Variants in CPNE9 observed in about 807,000 individuals in gnomAD.
CPNE9 encodes copine-9.
CPNE9 carries 59 observed loss-of-function variants against 83.0 expected under a neutral mutation model. The observed-to-expected ratio is 0.71, with a 90% CI of 0.58 to 0.88. The LOEUF is 0.88. CPNE9 is among the 40% of genes least tolerant of loss of function. The probability of loss-of-function intolerance (pLI) is 0.00; values close to 1 mark genes in which losing one functional copy is unlikely to be tolerated. For synonymous variants in CPNE9, 256 were observed against 273.4 expected (o/e 0.94, Z 0.63); for missense variants, 619 against 720.8 (o/e 0.86, Z 1.62).
chr3:9,718,533 T>C lies in CPNE9; in HGVS notation c.1172T>C (p.Phe391Ser). Residue 391 changes from phenylalanine (F) to serine (S), a missense_variant, in exon 17 of 21, where the codon TTC becomes TCC. Around this residue, in one of 3 missense-constraint regions of CPNE9, gnomAD observed 438 missense variants for 562.9 expected, o/e 0.78. Transcript: ENST00000383832. Reference protein sequence around the residue: ...AGIEGVLESYFQSLRTVQLYG... With the variant: ...AGIEGVLESYSQSLRTVQLYG... ...ATCGAGGGTGTGCTGGAGAGCTATT[T>C]CCAGAGCCTGCGCACAGTGCAGCTC... 1.2e-6 allele frequency: 2 copies of C among 1,613,696 alleles called. No homozygotes were observed. The highest frequency in any genetic ancestry group is 1.7e-6 in the Non-Finnish European group (2 of 1,179,966).
Position 9,712,543 on chromosome 3 carries a change from G to C in CPNE9, c.380G>C (p.Gly127Ala), listed in dbSNP as rs769102561. The C allele has an allele frequency of 2.4e-5, 38 of 1,613,994 alleles. No homozygotes were observed. Among genetic ancestry groups the C allele is most frequent in the South Asian group, 5.5e-5 (5 of 91,070 alleles). Residue 127 changes from glycine (G) to alanine (A), a missense_variant and splice_region_variant, in exon 8 of 21, where the codon GGT becomes GCT. By Grantham distance (60) the Gly-to-Ala change is moderately conservative (BLOSUM62 0). Around this residue, in one of 3 missense-constraint regions of CPNE9, gnomAD observed 438 missense variants for 562.9 expected, o/e 0.78. Transcript: ENST00000383832. Reference sequence around the variant, plus strand: ...TAAGAGGCTTTTTCTGCTTCCAGGGGTGTACCAGGCAAGAAGTGTGGGACC... The same window carrying C: ...TAAGAGGCTTTTTCTGCTTCCAGGGCTGTACCAGGCAAGAAGTGTGGGACC... ...QGSRVERTLT[G>A]VPGKKCGTIL...
At chr3:9,723,821 G>A (rs2076753429) in intron 17 of CPNE9, among the ~76,000 whole-genome samples, 1 of 152,180 alleles carries the variant, frequency 6.6e-6, no homozygotes, top group Admixed American at 6.5e-5. Context: ...TTGGATTACA[G>A]GCGTGAGCCA....
chr3:9,705,356 G>T, intron 4 of CPNE9, 108 bp from the exon 5 acceptor site: 1 of 826,168 alleles, frequency 1.2e-6, no homozygotes, highest in South Asian at 1.6e-5. Flanking sequence ...TCGGGTCCAC[G>T]GCCGCCCATC....
intron 19 of CPNE9, 131 bp from the exon 20 acceptor site, chr3:9,726,982 T>G: frequency 2.1e-6 from 2 of 971,850 alleles, no homozygotes; most frequent in Non-Finnish European, 3.2e-6. Context: ...TAACGAAGAC[T>G]GATATTTGTA....
intron 11 of CPNE9, 68 bp downstream of exon 11, chr3:9,715,023 A>G: frequency 7.0e-7 from 1 of 1,434,318 alleles, no homozygotes; most frequent in Non-Finnish European, 9.7e-7. Context: ...TATGTTGTAC[A>G]TTCACTGAGA....
chr3:9,707,309 T>C (rs1031849453), intron 7 of CPNE9, among the ~76,000 whole-genome samples: 28 of 130,676 alleles, frequency 2.1e-4, no homozygotes, highest in Non-Finnish European at 3.3e-4. Context: ...GCTGAGATTG[T>C]GCCACTGCAC....
rs1321313025 is a variant in CPNE9 at position 9,729,379 on chromosome 3, A to G, written c.1477-128A>G. The G allele has an allele frequency of 3.8e-6, 5 of 1,331,952 alleles. No individual in the cohort carries two copies. In the African/African-American group the frequency reaches 7.4e-5, roughly 20 times the overall value. 82.5% of individuals were successfully genotyped at this position (1,331,952 alleles called of 1,614,324 possible). On this transcript the variant is annotated intron_variant, in intron 20 of 20. Transcript: ENST00000383832. ...AAGCAAATGTAGAAAACTGTTCAAG[A>G]TGTGGAGAGGGAGATACTGTGATAG...
In CPNE9 at chr3:9,715,376, A is replaced by G. The variant is rs774643598; in HGVS notation, c.768+12A>G. 4 of 1,614,180 alleles carry G rather than the reference A, an allele frequency of 2.5e-6. No individual in the cohort carries two copies. The East Asian group carries it at 8.9e-5, about 36-fold the overall frequency. On this transcript the variant is annotated intron_variant, in intron 12 of 20. Coordinates refer to ENST00000383832, the MANE Select transcript of CPNE9 (RefSeq NM_153635.3). ...TCACAGTATATGAGGTGAGCATTCCAGCCCTGCCCAGGTCACCCAGGCCCT... is the reference window on the plus strand; with the variant it reads ...TCACAGTATATGAGGTGAGCATTCCGGCCCTGCCCAGGTCACCCAGGCCCT...
chr3:9,707,340 G>A (rs1325462573), intron 7 of CPNE9, among the ~76,000 whole-genome samples: 47 of 119,886 alleles, frequency 3.9e-4, no homozygotes, highest in East Asian at 4.7e-4. Context: ...GCAACAGAGC[G>A]AGATTCTGTC....
chr3:9,714,182 C>T (rs1483481911), intron 10 of CPNE9, among the ~76,000 whole-genome samples: 1 of 152,072 alleles, frequency 6.6e-6, no homozygotes. Flanking sequence ...GAATGGATAA[C>T]CAGATGGATA....
intron 7 of CPNE9, among the ~76,000 whole-genome samples, chr3:9,709,221 A>G (rs2076597585): frequency 6.9e-6 from 1 of 145,860 alleles, no homozygotes; most frequent in Admixed American, 6.8e-5. Flanking sequence ...GGTTGCAGTG[A>G]GCCGAGATCA....
chr3:9,729,855 C>A lies in CPNE9; in HGVS notation c.*163C>A. ...GCCTCCTTGCCTGCAGAGGGCCTGGCACTATCACCACCTCTCTGCCTTCAT... is the reference window on the plus strand; with the variant it reads ...GCCTCCTTGCCTGCAGAGGGCCTGGAACTATCACCACCTCTCTGCCTTCAT... On this transcript the variant is annotated 3_prime_UTR_variant, in exon 21 of 21. Coordinates refer to ENST00000383832, the MANE Select transcript of CPNE9 (RefSeq NM_153635.3). The A allele has an allele frequency of 2.2e-6, 2 of 893,708 alleles. No homozygotes were observed. Among genetic ancestry groups the A allele is most frequent in the Non-Finnish European group, 3.2e-6 (2 of 615,502 alleles). 55.4% of individuals were successfully genotyped at this position (893,708 alleles called of 1,614,324 possible). A position where few individuals can be genotyped will look rare whatever the true frequency, so the allele number is the denominator to read the frequency against.
At chr3:9,713,105 T>G (rs1575122191) in intron 10 of CPNE9, 26 bp downstream of exon 10, 1 of 1,558,912 alleles carries the variant, frequency 6.4e-7, no homozygotes, top group Non-Finnish European at 8.8e-7. Flanking sequence ...AGCTGGGGAG[T>G]AAGGAGCCAA....
At chr3:9,717,901 A>G (rs2076698990) in intron 15 of CPNE9, 128 bp from the exon 16 acceptor site, 1 of 716,614 alleles carries the variant, frequency 1.4e-6, no homozygotes, top group Non-Finnish European at 2.2e-6. Context: ...ATTGGGTAAA[A>G]TAAGGAGGGA....
rs2076674243 is a variant in CPNE9, at chr3:9,715,496, T to C, written c.792T>C (p.Cys264=). 6.2e-7 allele frequency: 1 copy of C among 1,614,026 alleles called. No individual in the cohort carries two copies. The highest frequency in any genetic ancestry group is 1.3e-5 in the African/African-American group (1 of 75,028). ...AGGTTCTTAACCCTCGGAAGAAATG[T>C]AAGAAGAAGAAATATGTCAACTCAG... ...VYEVLNPRKK[C]KKKKYVNSGT... The change falls in exon 13 of 21, where the codon TGT becomes TGC. Residue 264 remains cysteine, a synonymous_variant. Coordinates refer to ENST00000383832, the MANE Select transcript of CPNE9 (RefSeq NM_153635.3).
rs1484423741 is a variant in CPNE9 at position 9,704,985 on chromosome 3, G to A, written c.251G>A (p.Arg84His). 2.5e-6 allele frequency: 4 copies of A among 1,609,498 alleles called. No homozygotes were observed. The South Asian group carries it at 3.3e-5, about 13-fold the overall frequency. ...DYFFEEKQNLRFDVYNVDSKT... is the reference protein window; with the variant it reads ...DYFFEEKQNLHFDVYNVDSKT... ...TTCTTTGAGGAAAAGCAAAATCTGC[G>A]CTTCGATGTGTGAGGCCCCGCCTGG... The change falls in exon 4 of 21, where the codon CGC becomes CAC. Residue 84 changes from arginine (R) to histidine (H), a missense_variant. Physicochemically the swap from Arg to His is conservative, Grantham distance 29. Coordinates refer to ENST00000383832, the MANE Select transcript of CPNE9 (RefSeq NM_153635.3). This position sits in a 1 kb window ranked among gnomAD's most constrained non-coding sequence, Gnocchi z 7.1.
At chr3:9,725,856 C>A in intron 17 of CPNE9, 93 bp from the exon 18 acceptor site, 1 of 956,222 alleles carries the variant, frequency 1.0e-6, no homozygotes, top group East Asian at 2.4e-5. Context: ...TTCCTGCCCA[C>A]TGCCCACACA....
chr3:9,704,617 G>C lies in CPNE9; in HGVS notation c.99G>C (p.Lys33Asn), dbSNP rs1204438130. 6.8e-6 allele frequency: 11 copies of C among 1,613,944 alleles called. No homozygotes were observed. Among genetic ancestry groups the C allele is most frequent in the Non-Finnish European group, 8.5e-6 (10 of 1,179,938 alleles). ...TGCTAGACCTTGATACCTTCTCCAA[G>C]TCCGACCCCAGTAGGCGGCTCCAGG... Reference protein sequence around the residue: ...RNLLDLDTFSKSDPMVVLYTQ... With the variant: ...RNLLDLDTFSNSDPMVVLYTQ... Residue 33 changes from lysine (K) to asparagine (N), a missense_variant, in exon 2 of 21, where the codon AAG becomes AAC. By Grantham distance (94) the Lys-to-Asn change is moderately conservative (BLOSUM62 0). Coordinates refer to ENST00000383832, the MANE Select transcript of CPNE9 (RefSeq NM_153635.3). This position sits in a 1 kb window ranked among gnomAD's most constrained non-coding sequence, Gnocchi z 7.1.
intron 19 of CPNE9, 145 bp downstream of exon 19, chr3:9,726,867 C>A: frequency 1.2e-6 from 1 of 808,994 alleles, no homozygotes; most frequent in Non-Finnish European, 2.0e-6. Context: ...CTTCTCTGAA[C>A]CTGTTTCCTT....
Sources: gnomAD v4.1 joint callset for allele counts (sites outside exome capture counted in the v4.1 genomes callset) on GRCh38, gnomAD v4.1.1 for gene constraint, gnomAD v4.1.1 regional missense constraint, Gnocchi (gnomAD v3.1) non-coding constraint, MANE v1.5 for transcripts, NCBI Gene and HGNC (gene_info 2026-07-23, HGNC 2026-07-21) for gene names.